MAP4K1: variants seen among roughly 807,000 people sequenced by gnomAD.
The protein encoded by MAP4K1 is mitogen-activated protein kinase kinase kinase kinase 1, also known as MAPK/ERK kinase kinase kinase 1.
MAP4K1 carries 35 observed loss-of-function variants against 122.8 expected under a neutral mutation model. The observed-to-expected ratio is 0.29, with a 90% CI of 0.22 to 0.38. MAP4K1 has a LOEUF of 0.38. MAP4K1 is among the 10% of genes least tolerant of loss of function. The pLI is 1.00. For missense variants in MAP4K1, 791 were observed against 1,072.6 expected (o/e 0.74, Z 3.67); for synonymous variants, 412 against 421.3 (o/e 0.98, Z 0.27).
Position 38,595,714 on chromosome 19 carries a change from AC to A in MAP4K1, c.2194del (p.Val732Ter). 6.2e-7 allele frequency: 1 copy of A among 1,602,594 alleles called. No homozygotes were observed. The highest frequency in any genetic ancestry group is 8.5e-7 in the Non-Finnish European group (1 of 1,175,406). On this transcript the variant is annotated frameshift_variant, in exon 28 of 31. Transcript: ENST00000396857. LOFTEE classifies it high-confidence loss of function. ...MVLMDGSVKL[V>X]TPEGSPVRGL... ...CCGGACTGGGGACCCCTCCGGGGTC[AC>A]CAGCTTCACAGAGCCTGGAAGGAGA...
intron 27 of MAP4K1, 41 bp from the exon 28 acceptor site, chr19:38,595,770 T>C (rs778322111): frequency 1.3e-6 from 2 of 1,544,194 alleles, no homozygotes; most frequent in Non-Finnish European, 1.8e-6. Context: ...TGAGCAAGGC[T>C]TAGAGGGTTA....
At chr19:38,607,629 G>A (rs575141513) in intron 16 of MAP4K1, among the ~76,000 whole-genome samples, 23 of 151,990 alleles carry the variant, frequency 1.5e-4, no homozygotes, top group Admixed American at 1.4e-3. Context: ...GCTGGGATCA[G>A]GTTGGGGGTC....
At chr19:38,611,334 TCAGACCCTCAAGGGGGC>T (rs752920553) in intron 9 of MAP4K1, 29 bp from the exon 10 acceptor site, 1 of 1,536,508 alleles carries the variant, frequency 6.5e-7, no homozygotes, top group African/African-American at 1.4e-5. Flanking sequence ...GACATGGGGT[TCAGACCCTCAAGGGGGC>T]CAGACCTCAT....
At chr19:38,615,871 C>A (rs1253029640) in intron 4 of MAP4K1, among the ~76,000 whole-genome samples, 1 of 151,286 alleles carries the variant, frequency 6.6e-6, no homozygotes, top group Admixed American at 6.6e-5. Flanking sequence ...GTTGGCCAAG[C>A]TGGTCTTGAA....
intron 19 of MAP4K1, among the ~76,000 whole-genome samples, chr19:38,604,698 G>A (rs1975271614): frequency 6.6e-6 from 1 of 151,786 alleles, no homozygotes. Context: ...GCTGAGGCAG[G>A]AGAATGGTGT....
At chr19:38,610,849 G>A (rs1187881864) in intron 11 of MAP4K1, among the ~76,000 whole-genome samples, 4 of 152,122 alleles carry the variant, frequency 2.6e-5, no homozygotes, top group Admixed American at 6.5e-5. Context: ...TGTCAGTTCC[G>A]GCAACTCGGG....
chr19:38,609,813 C>A (rs968998330), intron 12 of MAP4K1, 96 bp downstream of exon 12: 8 of 1,324,024 alleles, frequency 6.0e-6, no homozygotes, highest in Admixed American at 3.5e-5. Flanking sequence ...CCCTGTTTTC[C>A]CCCTAAGAGA....
intron 11 of MAP4K1, among the ~76,000 whole-genome samples, chr19:38,610,372 ATTTTTTTTTTTT>A (rs35103992): frequency 5.3e-4 from 40 of 76,180 alleles, no homozygotes; most frequent in African/African-American, 1.9e-3. Context: ...CGCCCAGCTA[ATTTTTTTTTTTT>A]TTTTTTTTTT....
chr19:38,612,213 A>C (rs1975517981), intron 9 of MAP4K1, among the ~76,000 whole-genome samples: 1 of 152,048 alleles, frequency 6.6e-6, no homozygotes, highest in Non-Finnish European at 1.5e-5. Flanking sequence ...TGAGGTCAGG[A>C]GTTCGAGACT....
chr19:38,593,246 C>T, intron 30 of MAP4K1, 36 bp downstream of exon 30: 5 of 1,596,606 alleles, frequency 3.1e-6, no homozygotes, highest in Admixed American at 3.4e-5. Context: ...CAGAAGCCCC[C>T]TCCCAGGTCC....
At chr19:38,596,221 G>T in intron 26 of MAP4K1, 91 bp downstream of exon 26, 2 of 1,455,198 alleles carry the variant, frequency 1.4e-6, no homozygotes, top group East Asian at 2.5e-5. Flanking sequence ...TCTCAGTCCC[G>T]TAGTGCCTCA....
intron 22 of MAP4K1, among the ~76,000 whole-genome samples, chr19:38,598,141 A>G (rs1304443714): frequency 1.3e-5 from 2 of 149,444 alleles, no homozygotes; most frequent in African/African-American, 4.9e-5. Context: ...AGCAATTCTC[A>G]TGCCTCAGCC....
Position 38,617,860 on chromosome 19 carries a change from G to T in MAP4K1, c.36C>A (p.Asp12Glu). Reference sequence around the variant, plus strand: ...GTAGCAGGTCATAGTGGTCCCGGGGGTCTCTATTGAAAATGTCAGGGTCCA... The same window carrying T: ...GTAGCAGGTCATAGTGGTCCCGGGGTTCTCTATTGAAAATGTCAGGGTCCA... ...DVVDPDIFNRDPRDHYDLLQR... is the reference protein window; with the variant it reads ...DVVDPDIFNREPRDHYDLLQR... The change falls in exon 1 of 31, where the codon GAC (aspartate) becomes GAA (glutamate). Residue 12 changes from aspartate to glutamate, a missense_variant. Physicochemically the swap from Asp to Glu is conservative, Grantham distance 45. Transcript: ENST00000396857. The surrounding 1 kb of genome is among the most constrained non-coding windows in gnomAD (Gnocchi z 4.1). 1 of 1,614,140 alleles carries T rather than the reference G, an allele frequency of 6.2e-7. No individual in the cohort carries two copies. Among genetic ancestry groups the T allele is most frequent in the Non-Finnish European group, 8.5e-7 (1 of 1,180,022 alleles).
Position 38,617,295 on chromosome 19 carries a change from A to T in MAP4K1, c.248+59T>A. ...AGAACTGAGGGTACCCCCATCAAGAAATGGGGACTCCGGGTTAGGGGCTGG... is the reference window on the plus strand; with the variant it reads ...AGAACTGAGGGTACCCCCATCAAGATATGGGGACTCCGGGTTAGGGGCTGG... On this transcript the variant is annotated intron_variant, in intron 3 of 30. Coordinates refer to ENST00000396857, the MANE Select transcript of MAP4K1 (RefSeq NM_001042600.3). The surrounding 1 kb of genome is among the most constrained non-coding windows in gnomAD (Gnocchi z 4.1). 1 of 1,155,068 alleles carries T rather than the reference A, an allele frequency of 8.7e-7. No homozygotes were observed. The highest frequency in any genetic ancestry group is 1.3e-6 in the Non-Finnish European group (1 of 762,472). The allele number at this position is 1,155,068 out of a possible 1,614,324, so 71.6% of individuals were successfully genotyped here. A position where few individuals can be genotyped will look rare whatever the true frequency, so the allele number is the denominator to read the frequency against.
At chr19:38,616,651 G>T (rs1975655641) in intron 3 of MAP4K1, among the ~76,000 whole-genome samples, 1 of 152,152 alleles carries the variant, frequency 6.6e-6, no homozygotes, top group Admixed American at 6.6e-5. Context: ...TTAATTTGGG[G>T]ATCAGGGAAT....
At chr19:38,608,212 C>T in intron 13 of MAP4K1, 42 bp from the exon 14 acceptor site, 1 of 974,938 alleles carries the variant, frequency 1.0e-6, no homozygotes, top group Non-Finnish European at 1.5e-6. Flanking sequence ...GAGCTGGGGG[C>T]AAGGGGTAAC....
chr19:38,596,432 G>T lies in MAP4K1; in HGVS notation c.1996C>A (p.Pro666Thr), dbSNP rs1379531162. The T allele has an allele frequency of 4.4e-6, 7 of 1,590,870 alleles. No individual in the cohort carries two copies. The highest frequency in any genetic ancestry group is 2.3e-5 in the East Asian group (1 of 44,308). Reference sequence around the variant, plus strand: ...CACACAGCGGGCAGCTCAGAGCCTGGCCCGGTCAGCAGCGCGAACACGGAC... The same window carrying T: ...CACACAGCGGGCAGCTCAGAGCCTGTCCCGGTCAGCAGCGCGAACACGGAC... ...PLSVFALLTG[P>T]GSELPAVCIG... The change falls in exon 26 of 31, where the codon CCA becomes ACA. Residue 666 changes from proline to threonine, a missense_variant. Pro to Thr is a conservative substitution (Grantham distance 38). This residue lies in a region of MAP4K1 where 267 missense variants were observed against 323.0 expected (regional missense o/e 0.83). Coordinates refer to ENST00000396857, the MANE Select transcript of MAP4K1 (RefSeq NM_001042600.3).
chr19:38,609,906 C>T lies in MAP4K1; in HGVS notation c.927+3G>A, dbSNP rs1390330925. The stretch of plus-strand genomic sequence containing the variant: ...CAGTGCTCTTGTCAGCCAAGGCTCT[C>T]ACCTCGGGCTCCTCATCCTCAATGT... On this transcript the variant is annotated splice_donor_region_variant and intron_variant, in intron 12 of 30. Coordinates refer to ENST00000396857, the MANE Select transcript of MAP4K1 (RefSeq NM_001042600.3). 1 of 1,612,256 alleles carries T rather than the reference C, an allele frequency of 6.2e-7. No individual in the cohort carries two copies. The highest frequency in any genetic ancestry group is 8.5e-7 in the Non-Finnish European group (1 of 1,178,392).
chr19:38,607,964 T>A (rs1568636725), intron 15 of MAP4K1, 26 bp downstream of exon 15: 1 of 1,611,268 alleles, frequency 6.2e-7, no homozygotes, highest in Non-Finnish European at 8.5e-7. Context: ...TCCAGCCCCC[T>A]CCCCATCCTC....
Sources: allele counts gnomAD v4.1 joint callset (sites outside exome capture counted in the v4.1 genomes callset), GRCh38; gene constraint gnomAD v4.1.1; regional missense constraint gnomAD v4.1.1; non-coding constraint Gnocchi (gnomAD v3.1); transcripts MANE v1.5; gene names NCBI Gene and HGNC (gene_info 2026-07-23, HGNC 2026-07-21).